The following ATXN7L3 variants were observed in gnomAD, a reference collection of about 807,000 sequenced individuals.
The protein encoded by ATXN7L3 is ataxin 7 like 3.
ATXN7L3 carries 6 observed loss-of-function variants against 50.0 expected under a neutral mutation model. The ratio of observed to expected loss-of-function variants is 0.12; its 90% CI spans 0.07 to 0.24. The LOEUF is 0.24. Among genes scored for constraint, ATXN7L3 ranks in the 10% least tolerant of loss-of-function variants. The pLI, the probability that ATXN7L3 is intolerant of heterozygous loss-of-function variation, is 1.00. For missense variants in ATXN7L3, 322 were observed against 451.3 expected (o/e 0.71, Z 2.60); for synonymous variants, 198 against 165.8 (o/e 1.19, Z -1.49).
intron 8 of ATXN7L3, 119 bp from the exon 9 acceptor site, chr17:44,195,606 C>CT (rs1432370045): frequency 7.9e-7 from 1 of 1,260,808 alleles, no homozygotes; most frequent in Non-Finnish European, 1.1e-6. Context: ...ACGACCCTGC[C>CT]GTTTTCCAAG....
intron 7 of ATXN7L3, 75 bp from the exon 8 acceptor site, chr17:44,195,903 G>C: frequency 6.4e-7 from 1 of 1,572,178 alleles, no homozygotes; most frequent in East Asian, 2.2e-5. Context: ...TAACCAGAGA[G>C]GAAGTGGGGG....
Position 44,192,871 on chromosome 17 carries a change from G to C in ATXN7L3, c.*1392C>G, listed in dbSNP as rs1291367675. 1 of 152,266 alleles carries C rather than the reference G, an allele frequency of 6.6e-6. No individual in the cohort carries two copies. The highest frequency in any genetic ancestry group is 1.9e-4 in the East Asian group (1 of 5,178). The allele number at this position is 152,266 out of a possible 1,614,324, so 9.4% of individuals were successfully genotyped here. On this transcript the variant is annotated 3_prime_UTR_variant, in exon 13 of 13. Coordinates refer to ENST00000587097, the MANE Select transcript of ATXN7L3 (RefSeq NM_001382309.1). ...GATGGCTCCTCTTGGGAAGAGGGTA[G>C]GGGACATGTCCAGCAAGTGCCAGAG...
At chr17:44,195,850 G>A (rs1392943588) in intron 7 of ATXN7L3, 22 bp from the exon 8 acceptor site, 1 of 1,608,724 alleles carries the variant, frequency 6.2e-7, no homozygotes, top group Non-Finnish European at 8.5e-7. Flanking sequence ...AAAAGAAGGG[G>A]AAGGGTGTTT....
rs1322363060 is a variant in ATXN7L3 at position 44,195,115 on chromosome 17, G to A, written c.647C>T (p.Thr216Ile). 1 of 1,614,162 alleles carries A rather than the reference G, an allele frequency of 6.2e-7. No individual in the cohort carries two copies. Among genetic ancestry groups the A allele is most frequent in the Non-Finnish European group, 8.5e-7 (1 of 1,180,016 alleles). Reference protein sequence around the residue: ...TTQCGVISEHTKKMCTRSLRC... With the variant: ...TTQCGVISEHIKKMCTRSLRC... ...TGCTCACCTTGTGCACATCTTCTTG[G>A]TGTGTTCAGAAATCACCCCACATTG... is the stretch of plus-strand genomic sequence containing the variant. The change falls in exon 10 of 13, where the codon ACC becomes ATC. Residue 216 changes from threonine (T) to isoleucine (I), a missense_variant. Thr to Ile is a moderately conservative substitution (Grantham distance 89). Transcript: ENST00000587097.
rs1331334804 is a variant in ATXN7L3, at chr17:44,196,393, C to T, written c.477+3G>A. 2 of 1,614,084 alleles carry T rather than the reference C, an allele frequency of 1.2e-6. No individual in the cohort carries two copies. Among genetic ancestry groups the T allele is most frequent in the Non-Finnish European group, 1.7e-6 (2 of 1,180,008 alleles). ...TTTCCCCAATGCCTGGCCCGGCTCT[C>T]ACCTTGTCTGACTTTCTCTTCTTGG... On this transcript the variant is annotated splice_donor_region_variant and intron_variant, in intron 6 of 12. Transcript: ENST00000587097.
chr17:44,197,544 T>C, intron 3 of ATXN7L3, 54 bp downstream of exon 3: 3 of 1,612,272 alleles, frequency 1.9e-6, no homozygotes, highest in Non-Finnish European at 1.7e-6. Context: ...AGAAGGAAAC[T>C]CCAGGCAGTC....
At position 44,194,402 on chromosome 17, in the gene ATXN7L3, C is replaced by A; in HGVS notation, c.905G>T (p.Ser302Ile). 6.2e-7 allele frequency: 1 copy of A among 1,614,118 alleles called. No individual in the cohort carries two copies. The highest frequency in any genetic ancestry group is 8.5e-7 in the Non-Finnish European group (1 of 1,180,020). The change falls in exon 13 of 13, where the codon AGC (serine) becomes ATC (isoleucine). Residue 302 changes from serine (S) to isoleucine (I), a missense_variant. Around this residue, in one of 5 missense-constraint regions of ATXN7L3, gnomAD observed 122 missense variants for 130.8 expected, o/e 0.93. Coordinates refer to ENST00000587097, the MANE Select transcript of ATXN7L3 (RefSeq NM_001382309.1). ...TTTCTTGGTTTTCCGTGACTCAGAG[C>A]TGTTGGTACCTGTAGAGAAAGAGAC... Reference protein sequence around the residue: ...ENQGWGLGTNSSESRKTKKKK... With the variant: ...ENQGWGLGTNISESRKTKKKK...
At position 44,196,067 on chromosome 17, in the gene ATXN7L3, G is replaced by C; in HGVS notation, c.490C>G (p.Pro164Ala). The C allele has an allele frequency of 6.2e-7, 1 of 1,613,432 alleles. No individual in the cohort carries two copies. Among genetic ancestry groups the C allele is most frequent in the Non-Finnish European group, 8.5e-7 (1 of 1,179,480 alleles). Residue 164 changes from proline (P) to alanine (A), a missense_variant, in exon 7 of 13, where the codon CCT (proline) becomes GCT (alanine). By Grantham distance (27) the Pro-to-Ala change is conservative. This residue lies in a region of ATXN7L3 where 95 missense variants were observed against 98.1 expected (regional missense o/e 0.97). Coordinates refer to ENST00000587097, the MANE Select transcript of ATXN7L3 (RefSeq NM_001382309.1). ...KRKSDKNPNSPRRSKSLKHKN... is the reference protein window; with the variant it reads ...KRKSDKNPNSARRSKSLKHKN... ...TGTTTTAATGACTTGGATCTTCGAGGGGAATTGGGGTTCTGGAATGGGAGA... is the reference window on the plus strand; with the variant it reads ...TGTTTTAATGACTTGGATCTTCGAGCGGAATTGGGGTTCTGGAATGGGAGA...
rs1376201119 is a variant in ATXN7L3, at chr17:44,199,632, CCGGGGG to C, written c.-203_-198del. 6.9e-6 allele frequency: 1 copy of C among 145,902 alleles called. No homozygotes were observed. Among genetic ancestry groups the C allele is most frequent in the Non-Finnish European group, 1.5e-5 (1 of 65,400 alleles). The allele number at this position is 145,902 out of a possible 1,614,324, so 9.0% of individuals were successfully genotyped here. On this transcript the variant is annotated 5_prime_UTR_variant, in exon 1 of 13. Transcript: ENST00000587097. ...TCTCCCCGGGGCCCAGGGCCCGGGGCCGGGGGGTCGGGCCGCCCCCCCGCCTGGCCG... is the reference window on the plus strand; with the variant it reads ...TCTCCCCGGGGCCCAGGGCCCGGGGCGTCGGGCCGCCCCCCCGCCTGGCCG...
chr17:44,199,205 G>A (rs1417334079), intron 1 of ATXN7L3: 1 of 151,438 alleles, frequency 6.6e-6, no homozygotes, highest in African/African-American at 2.4e-5. Context: ...AGTCCGGGAG[G>A]GTGTCTCTAT....
At chr17:44,196,742 C>T (rs2055912114) in intron 5 of ATXN7L3, among the ~76,000 whole-genome samples, 187 bp downstream of exon 5, 1 of 145,786 alleles carries the variant, frequency 6.9e-6, no homozygotes. Flanking sequence ...CTCACCACTG[C>T]ACCCCAGCCT....
In ATXN7L3 at chr17:44,196,418, G is replaced by A; in HGVS notation, c.455C>T (p.Ala152Val). ...CACCTTGTCTGACTTTCTCTTCTTG[G>A]CTGTGGGAAACAAAAGCATAAAGAG... ...NDWSYGSEKK[A>V]KKRKSDKNPN... The change falls in exon 6 of 13, where the codon GCC (alanine) becomes GTC (valine). Residue 152 changes from alanine (A) to valine (V), a missense_variant and splice_region_variant. Coordinates refer to ENST00000587097, the MANE Select transcript of ATXN7L3 (RefSeq NM_001382309.1). 5.0e-6 allele frequency: 8 copies of A among 1,613,932 alleles called. No individual in the cohort carries two copies. Among genetic ancestry groups the A allele is most frequent in the Non-Finnish European group, 6.8e-6 (8 of 1,179,978 alleles).
At chr17:44,195,716 G>A in intron 8 of ATXN7L3, 84 bp downstream of exon 8, 1 of 1,453,912 alleles carries the variant, frequency 6.9e-7, no homozygotes, top group Non-Finnish European at 9.6e-7. Flanking sequence ...CTGGCTGTCA[G>A]CATTCTGATC....
intron 2 of ATXN7L3, 70 bp from the exon 3 acceptor site, chr17:44,197,800 G>C (rs1466396680): frequency 6.2e-7 from 1 of 1,602,526 alleles, no homozygotes; most frequent in South Asian, 1.1e-5. Flanking sequence ...AACCAAATCT[G>C]CTGCCAACTG....
chr17:44,196,576 G>T (rs146777462), intron 5 of ATXN7L3, among the ~76,000 whole-genome samples, 158 bp from the exon 6 acceptor site: 1 of 151,852 alleles, frequency 6.6e-6, no homozygotes, highest in South Asian at 2.1e-4. Context: ...TCAGAAGATC[G>T]AGACCATCCT....
Position 44,192,922 on chromosome 17 carries a change from CAT to C in ATXN7L3, c.*1339_*1340del, listed in dbSNP as rs2055746550. ...AACTTGGCTCAGGGTCACCTCCACC[CAT>C]GTCAGTCAGCTCTGCTCCCAGCCCA... On this transcript the variant is annotated 3_prime_UTR_variant, in exon 13 of 13. Coordinates refer to ENST00000587097, the MANE Select transcript of ATXN7L3 (RefSeq NM_001382309.1). 6.6e-6 allele frequency: 1 copy of C among 152,348 alleles called. No individual in the cohort carries two copies. Among genetic ancestry groups the C allele is most frequent in the South Asian group, 2.1e-4 (1 of 4,832 alleles). 9.4% of individuals were successfully genotyped at this position (152,348 alleles called of 1,614,324 possible). A position where few individuals can be genotyped will look rare whatever the true frequency, so the allele number is the denominator to read the frequency against.
chr17:44,197,677 G>A lies in ATXN7L3; in HGVS notation c.105C>T (p.Phe35=). ...TGACAGCCCGGTGTACCTCAAAGCA[G>A]AATCCCAAACAAGAATCCTCGACCA... ...ADLVEDSCLG[F]CFEVHRAVKC... is the part of the protein sequence containing the mutation. Residue 35 remains phenylalanine, a synonymous_variant, in exon 3 of 13, where the codon TTC becomes TTT. Coordinates refer to ENST00000587097, the MANE Select transcript of ATXN7L3 (RefSeq NM_001382309.1). The A allele has an allele frequency of 1.2e-6, 2 of 1,614,248 alleles. No individual in the cohort carries two copies. Among genetic ancestry groups the A allele is most frequent in the South Asian group, 1.1e-5 (1 of 91,092 alleles).
Position 44,199,642 on chromosome 17 carries a change from GGGCC to G in ATXN7L3, c.-211_-208del, listed in dbSNP as rs1335217285. The G allele has an allele frequency of 1.4e-5, 2 of 144,844 alleles. No individual in the cohort carries two copies. Among genetic ancestry groups the G allele is most frequent in the Admixed American group, 6.7e-5 (1 of 14,872 alleles). 9.0% of individuals were successfully genotyped at this position (144,844 alleles called of 1,614,324 possible). A position where few individuals can be genotyped will look rare whatever the true frequency, so the allele number is the denominator to read the frequency against. On this transcript the variant is annotated 5_prime_UTR_variant, in exon 1 of 13. Transcript: ENST00000587097. ...GCCCAGGGCCCGGGGCCGGGGGGTC[GGGCC>G]GCCCCCCCGCCTGGCCGCCTCACCG...
chr17:44,195,968 C>T (rs1307967142), intron 7 of ATXN7L3, 66 bp downstream of exon 7: 15 of 1,574,026 alleles, frequency 9.5e-6, no homozygotes, highest in Admixed American at 1.7e-5. Context: ...GCCCCACCTC[C>T]ACCCCCCGGC....
Sources: allele counts gnomAD v4.1 joint callset (sites outside exome capture counted in the v4.1 genomes callset), GRCh38; gene constraint gnomAD v4.1.1; regional missense constraint gnomAD v4.1.1; transcripts MANE v1.5; gene names NCBI Gene and HGNC (gene_info 2026-07-23, HGNC 2026-07-21).